The following CACNA2D3 variants were observed in gnomAD, a reference collection of about 807,000 sequenced individuals.
The protein encoded by CACNA2D3 is voltage-dependent calcium channel subunit alpha-2/delta-3.
In CACNA2D3, 60 loss-of-function variants were observed where a neutral mutation model predicts 160.6. That is an observed-to-expected ratio of 0.37 (90% CI 0.30 to 0.46). The LOEUF (loss-of-function observed/expected upper bound fraction) is 0.46, where lower values mean the gene tolerates loss of function less well. CACNA2D3 is among the 20% of genes least tolerant of loss of function. The pLI is 1.00. For synonymous variants in CACNA2D3, 558 were observed against 492.9 expected (o/e 1.13, Z -1.75); for missense variants, 1,205 against 1,365.0 (o/e 0.88, Z 1.85).
intron 4 of CACNA2D3, among the ~76,000 whole-genome samples, chr3:54,414,478 A>T (rs555744124): frequency 6.6e-6 from 1 of 152,142 alleles, no homozygotes; most frequent in Non-Finnish European, 1.5e-5. Context: ...AGAGGGAGAA[A>T]ATACCATTAT....
intron 9 of CACNA2D3, among the ~76,000 whole-genome samples, chr3:54,591,951 T>C (rs771672521): frequency 6.6e-6 from 1 of 152,206 alleles, no homozygotes. Flanking sequence ...CAAGTTCTTA[T>C]GACAGCCAAA....
At chr3:54,204,366 CTGTTT>C (rs1701233118) in intron 2 of CACNA2D3, among the ~76,000 whole-genome samples, 2 of 130,724 alleles carry the variant, frequency 1.5e-5, no homozygotes, top group Non-Finnish European at 3.1e-5. Context: ...GGCTCTGTTT[CTGTTT>C]TCCGGAGAAC....
intron 9 of CACNA2D3, among the ~76,000 whole-genome samples, chr3:54,612,038 A>ATTC (rs1480856113): frequency 6.6e-6 from 1 of 152,158 alleles, no homozygotes; most frequent in African/African-American, 2.4e-5. Flanking sequence ...AGGAGTTGGG[A>ATTC]TTCACACCAG....
At chr3:54,285,708 G>A (rs978097395) in intron 2 of CACNA2D3, among the ~76,000 whole-genome samples, 9 of 152,202 alleles carry the variant, frequency 5.9e-5, no homozygotes, top group Non-Finnish European at 1.2e-4. Flanking sequence ...ACATCACACG[G>A]CCGGGAACTC....
intron 27 of CACNA2D3, among the ~76,000 whole-genome samples, chr3:54,906,508 C>G (rs555559333): frequency 6.6e-6 from 1 of 152,246 alleles, no homozygotes; most frequent in African/African-American, 2.4e-5. Flanking sequence ...AAGAGTATAT[C>G]CCATATACAA....
intron 8 of CACNA2D3, among the ~76,000 whole-genome samples, chr3:54,575,465 C>G (rs747411054): frequency 3.3e-5 from 5 of 152,298 alleles, no homozygotes; most frequent in Middle Eastern, 3.4e-3. Flanking sequence ...GTGATCTTCT[C>G]TGCAATTTTG....
At chr3:54,378,154 A>G (rs576174679) in intron 3 of CACNA2D3, among the ~76,000 whole-genome samples, 2 of 152,310 alleles carry the variant, frequency 1.3e-5, no homozygotes, top group East Asian at 1.9e-4. Context: ...GTCATCCTTC[A>G]GGTCAGCGGT....
At chr3:54,498,739 G>A (rs989565612) in intron 4 of CACNA2D3, among the ~76,000 whole-genome samples, 1 of 151,624 alleles carries the variant, frequency 6.6e-6, no homozygotes, top group Non-Finnish European at 1.5e-5. Context: ...TCTAAGCTCT[G>A]CTTTCGTTGC....
At chr3:54,363,617 A>T (rs1559461325) in intron 3 of CACNA2D3, among the ~76,000 whole-genome samples, 1 of 152,184 alleles carries the variant, frequency 6.6e-6, no homozygotes, top group Non-Finnish European at 1.5e-5. Context: ...GAAACCCCCA[A>T]TGAGCATGCC....
intron 13 of CACNA2D3, among the ~76,000 whole-genome samples, chr3:54,803,452 G>A (rs1416682625): frequency 6.6e-6 from 1 of 152,202 alleles, no homozygotes; most frequent in Non-Finnish European, 1.5e-5. Flanking sequence ...CTGGAAGAAA[G>A]GGTATCAGTG....
intron 9 of CACNA2D3, among the ~76,000 whole-genome samples, chr3:54,604,692 TTC>T (rs746101579): frequency 6.3e-4 from 96 of 152,300 alleles, no homozygotes; most frequent in Non-Finnish European, 1.1e-3. Flanking sequence ...TGAGCCACCA[TTC>T]TCTGTTTCCT....
chr3:54,603,883 A>C (rs1052805083), intron 9 of CACNA2D3, among the ~76,000 whole-genome samples: 7 of 152,254 alleles, frequency 4.6e-5, no homozygotes, highest in Admixed American at 3.9e-4. Context: ...GCTTTAAAAA[A>C]AAAAAGTTTA....
At chr3:54,304,158 TC>T (rs1559915992) in intron 2 of CACNA2D3, among the ~76,000 whole-genome samples, 1 of 152,084 alleles carries the variant, frequency 6.6e-6, no homozygotes, top group Non-Finnish European at 1.5e-5. Flanking sequence ...CTCCCTTTCT[TC>T]CCCCGAGTTG....
chr3:54,292,799 A>G (rs764253168), intron 2 of CACNA2D3, among the ~76,000 whole-genome samples: 3 of 152,238 alleles, frequency 2.0e-5, no homozygotes, highest in Admixed American at 6.5e-5. Flanking sequence ...TAGAGTTACC[A>G]TCTGACCCAG....
intron 29 of CACNA2D3, among the ~76,000 whole-genome samples, chr3:54,974,410 C>T (rs922537484): frequency 2.6e-5 from 4 of 152,164 alleles, no homozygotes; most frequent in African/African-American, 7.2e-5. Flanking sequence ...GAGGTCACAC[C>T]GACAGCAGAT....
chr3:54,811,991 G>C (rs752775451), intron 13 of CACNA2D3, among the ~76,000 whole-genome samples: 1 of 152,150 alleles, frequency 6.6e-6, no homozygotes, highest in Non-Finnish European at 1.5e-5. Flanking sequence ...ACTTCAAATG[G>C]TGGATAGCAT....
intron 4 of CACNA2D3, among the ~76,000 whole-genome samples, chr3:54,436,698 G>A (rs1386885335): frequency 2.6e-5 from 4 of 152,134 alleles, no homozygotes; most frequent in Non-Finnish European, 1.5e-5. Flanking sequence ...CAAACACTGC[G>A]TGTTCTCACT....
intron 3 of CACNA2D3, among the ~76,000 whole-genome samples, chr3:54,374,116 G>A (rs991574179): frequency 2.6e-5 from 4 of 152,176 alleles, no homozygotes; most frequent in African/African-American, 9.7e-5. Flanking sequence ...GGAATTAAAG[G>A]CTTATTTGAT....
chr3:54,601,901 A>G (rs921743003), intron 9 of CACNA2D3, among the ~76,000 whole-genome samples: 1 of 152,090 alleles, frequency 6.6e-6, no homozygotes, highest in African/African-American at 2.4e-5. Context: ...TAGCACATCA[A>G]ACTAATAGTT....
Sources: allele counts gnomAD v4.1 joint callset (sites outside exome capture counted in the v4.1 genomes callset), GRCh38; gene constraint gnomAD v4.1.1; transcripts MANE v1.5; gene names NCBI Gene and HGNC (gene_info 2026-07-23, HGNC 2026-07-21).